Variants in CYFIP1 observed in about 807,000 individuals in gnomAD.
CYFIP1 encodes cytoplasmic FMR1 interacting protein 1, also known as cytoplasmic FMR1-interacting protein 1.
In CYFIP1, 58 loss-of-function variants were observed where a neutral mutation model predicts 163.5. The observed-to-expected ratio is 0.35, with a 90% CI of 0.29 to 0.44. The LOEUF (loss-of-function observed/expected upper bound fraction) is 0.44. Among genes scored for constraint, CYFIP1 ranks in the 20% least tolerant of loss-of-function variants. CYFIP1 has a pLI of 1.00. For missense variants in CYFIP1, 1,338 were observed against 1,653.8 expected (o/e 0.81, Z 3.31); for synonymous variants, 663 against 660.7 (o/e 1.00, Z -0.05).
chr15:22,903,984 C>A, intron 21 of CYFIP1, 79 bp from the exon 22 acceptor site: 1 of 1,315,638 alleles, frequency 7.6e-7, no homozygotes, highest in Non-Finnish European at 1.1e-6. Context: ...TGATCCCACC[C>A]AGGCCTCACA....
intron 21 of CYFIP1, chr15:22,905,371 T>G (rs1193959176): frequency 6.6e-6 from 1 of 152,160 alleles, no homozygotes; most frequent in Non-Finnish European, 1.5e-5. Flanking sequence ...GAGGAAGCTG[T>G]ATGACAGGTA....
intron 1 of CYFIP1, among the ~76,000 whole-genome samples, chr15:22,978,979 G>C (rs968400767): frequency 6.6e-6 from 1 of 152,106 alleles, no homozygotes; most frequent in Non-Finnish European, 1.5e-5. Context: ...ACCAAAAAGT[G>C]AATCTTACTA....
At chr15:22,911,109 A>C (rs1328210726) in intron 18 of CYFIP1, among the ~76,000 whole-genome samples, 1 of 152,056 alleles carries the variant, frequency 6.6e-6, no homozygotes, top group African/African-American at 2.4e-5. Context: ...CGGGAGGCTA[A>C]GCACAAGAAT....
At chr15:22,939,700 T>C (rs2061837299) in intron 6 of CYFIP1, among the ~76,000 whole-genome samples, 193 bp from the exon 7 acceptor site, 1 of 151,992 alleles carries the variant, frequency 6.6e-6, no homozygotes. Flanking sequence ...TCCAGGTCAG[T>C]CTTCTGCCAA....
intron 9 of CYFIP1, among the ~76,000 whole-genome samples, chr15:22,936,465 G>A (rs1296775424): frequency 1.3e-5 from 2 of 152,090 alleles, no homozygotes; most frequent in African/African-American, 4.8e-5. Flanking sequence ...AATGCTGTAC[G>A]CATCCTCAGG....
intron 13 of CYFIP1, among the ~76,000 whole-genome samples, chr15:22,924,741 G>A (rs2061303810): frequency 6.6e-6 from 1 of 151,998 alleles, no homozygotes; most frequent in African/African-American, 2.4e-5. Flanking sequence ...ACCAAAATAA[G>A]ATGAGAATTT....
At position 22,933,905 on chromosome 15, in the gene CYFIP1, G is replaced by T; in HGVS notation, c.901-12C>A. 6.3e-7 allele frequency: 1 copy of T among 1,581,510 alleles called. No homozygotes were observed. The highest frequency in any genetic ancestry group is 2.2e-5 in the East Asian group (1 of 44,500). ...ACCACCTGGAGTTGCTGTATTCAAAGAACAAAAAAATAGAGTCATTATGTA... is the reference window on the plus strand; with the variant it reads ...ACCACCTGGAGTTGCTGTATTCAAATAACAAAAAAATAGAGTCATTATGTA... On this transcript the variant is annotated splice_polypyrimidine_tract_variant and intron_variant, in intron 9 of 30. Coordinates refer to ENST00000617928, the MANE Select transcript of CYFIP1 (RefSeq NM_014608.6).
rs2061020105 is a variant in CYFIP1 at position 22,917,308 on chromosome 15, A to C, written c.1674+480T>G. 7.5e-7 allele frequency: 1 copy of C among 1,325,830 alleles called. No homozygotes were observed. 82.1% of individuals were successfully genotyped at this position (1,325,830 alleles called of 1,614,324 possible). ...AGGACAGACGCAGCGGTGTGGATTAAACCGGGTGTGAAAGTCGTGAGAAGC... is the reference window on the plus strand; with the variant it reads ...AGGACAGACGCAGCGGTGTGGATTACACCGGGTGTGAAAGTCGTGAGAAGC... On this transcript the variant is annotated intron_variant, in intron 15 of 30. Transcript: ENST00000617928. This position sits in a 1 kb window ranked among gnomAD's most constrained non-coding sequence, Gnocchi z 4.2.
intron 22 of CYFIP1, among the ~76,000 whole-genome samples, chr15:22,902,667 C>G (rs995267759): frequency 6.6e-6 from 1 of 152,236 alleles, no homozygotes. Flanking sequence ...CCACTCCCAG[C>G]CCGGCCTGGA....
intron 1 of CYFIP1, among the ~76,000 whole-genome samples, chr15:22,961,873 C>T (rs2062694289): frequency 6.6e-6 from 1 of 152,186 alleles, no homozygotes; most frequent in African/African-American, 2.4e-5. Context: ...TTTCATTTCA[C>T]TTACTATTTT....
rs1308394466 is a variant in CYFIP1 at position 22,964,349 on chromosome 15, TCACTCACACACACACACACA to T, written c.-7+15918_-7+15937del. Reference sequence around the variant, plus strand: ...CCCACCAGCAGACTCCGCAACCTCATCACTCACACACACACACACACACACACACACACACACACACACAC... The same window carrying T: ...CCCACCAGCAGACTCCGCAACCTCATCACACACACACACACACACACACAC... On this transcript the variant is annotated intron_variant, in intron 1 of 30. Coordinates refer to ENST00000617928, the MANE Select transcript of CYFIP1 (RefSeq NM_014608.6). 9.6e-3 allele frequency among the ~76,000 whole-genome samples: 380 copies of T among 39,580 alleles called. 6 individuals carry two copies. The highest frequency in any genetic ancestry group is 0.032 in the African/African-American group (350 of 10,884). The allele number at this position is 39,580 out of a possible 152,430, so 26.0% of individuals were successfully genotyped here. A position where few individuals can be genotyped will look rare whatever the true frequency, so the allele number is the denominator to read the frequency against.
chr15:22,945,197 G>A lies in CYFIP1; in HGVS notation c.208-258C>T, dbSNP rs1452669055. ...GGCATCTCTGAGGGGTGCCACAGGC[G>A]TTACACCTTGGCTCCACCCAGCCCT... On this transcript the variant is annotated intron_variant, in intron 3 of 30. Coordinates refer to ENST00000617928, the MANE Select transcript of CYFIP1 (RefSeq NM_014608.6). Among the ~76,000 whole-genome samples the A allele has an allele frequency of 3.9e-5, 6 of 152,272 alleles. No homozygotes were observed. In the East Asian group the frequency reaches 5.8e-4, roughly 15 times the overall value.
intron 16 of CYFIP1, among the ~76,000 whole-genome samples, chr15:22,915,902 C>A (rs1336317832): frequency 1.3e-5 from 2 of 152,198 alleles, no homozygotes; most frequent in African/African-American, 2.4e-5. Context: ...TCCATCCTTT[C>A]ATGGAGTTAA....
chr15:22,889,605 G>T (rs1009362789), intron 23 of CYFIP1, among the ~76,000 whole-genome samples: 1 of 152,130 alleles, frequency 6.6e-6, no homozygotes, highest in Non-Finnish European at 1.5e-5. Context: ...CAGGTGCACG[G>T]CCCCACGCAG....
chr15:22,902,844 A>C (rs2060441440), intron 22 of CYFIP1, among the ~76,000 whole-genome samples: 1 of 152,216 alleles, frequency 6.6e-6, no homozygotes, highest in South Asian at 2.1e-4. Flanking sequence ...CGACAGCCAC[A>C]GCAGGCAGGA....
At chr15:22,965,625 T>C (rs2062877690) in intron 1 of CYFIP1, among the ~76,000 whole-genome samples, 1 of 152,210 alleles carries the variant, frequency 6.6e-6, no homozygotes, top group African/African-American at 2.4e-5. Flanking sequence ...TAACAATGCA[T>C]TTCTCAGAAC....
intron 13 of CYFIP1, among the ~76,000 whole-genome samples, chr15:22,923,345 C>A (rs1418134501): frequency 6.6e-6 from 1 of 152,128 alleles, no homozygotes; most frequent in Middle Eastern, 3.2e-3. Flanking sequence ...AAATGGCCAA[C>A]AAGCACATAA....
intron 1 of CYFIP1, among the ~76,000 whole-genome samples, chr15:22,955,776 C>A (rs2062427082): frequency 6.6e-6 from 1 of 152,174 alleles, no homozygotes; most frequent in Non-Finnish European, 1.5e-5. Context: ...CCCATGCTGC[C>A]CTTGGGGAAC....
chr15:22,872,718 C>T, intron 30 of CYFIP1, 107 bp downstream of exon 30: 2 of 1,171,856 alleles, frequency 1.7e-6, no homozygotes, highest in Non-Finnish European at 2.4e-6. Flanking sequence ...TTGGTGGCAC[C>T]TTACGTACTA....
Sources: allele counts gnomAD v4.1 joint callset (sites outside exome capture counted in the v4.1 genomes callset), GRCh38; gene constraint gnomAD v4.1.1; non-coding constraint Gnocchi (gnomAD v3.1); transcripts MANE v1.5; gene names NCBI Gene and HGNC (gene_info 2026-07-23, HGNC 2026-07-21).